The following FAM227B variants were observed in gnomAD, a reference collection of about 807,000 sequenced individuals.
FAM227B encodes the protein protein FAM227B.
A neutral mutation model predicts 73.8 loss-of-function variants in FAM227B; 88 were observed. The observed-to-expected ratio is 1.19, with a 90% CI of 1.00 to 1.42. FAM227B has a LOEUF of 1.42. Ranked by LOEUF, FAM227B falls within the 40% of genes most tolerant of loss-of-function variation. The pLI, the probability that FAM227B is intolerant of heterozygous loss-of-function variation, is 0.00. For synonymous variants in FAM227B, 210 were observed against 190.5 expected, an observed-to-expected ratio of 1.10 and a Z score of -0.84; for missense variants, 632 against 590.9, an observed-to-expected ratio of 1.07 and a Z score of -0.72.
At chr15:49,379,322 G>A (rs370854098) in intron 11 of FAM227B, among the ~76,000 whole-genome samples, 4 of 152,082 alleles carry the variant, frequency 2.6e-5, no homozygotes, top group African/African-American at 9.7e-5. Flanking sequence ...GCCTTGTAGA[G>A]TAAATTTGGA....
intron 11 of FAM227B, among the ~76,000 whole-genome samples, chr15:49,396,867 C>A (rs993633888): frequency 1.3e-5 from 2 of 151,990 alleles, no homozygotes; most frequent in Non-Finnish European, 2.9e-5. Context: ...TATCAAAGAC[C>A]AAAAGTAGAT....
At chr15:49,551,733 T>A (rs2073046877) in intron 9 of FAM227B, among the ~76,000 whole-genome samples, 1 of 152,240 alleles carries the variant, frequency 6.6e-6, no homozygotes, top group African/African-American at 2.4e-5. Context: ...TTTAGTTTCT[T>A]GCTTTGTATT....
At chr15:49,489,497 C>T (rs1458124821) in intron 11 of FAM227B, 24 of 332,114 alleles carry the variant, frequency 7.2e-5, no homozygotes, top group Admixed American at 6.5e-5. Flanking sequence ...AACAATATCC[C>T]TTTGCCTCCA....
At chr15:49,482,938 A>AC (rs200699666) in intron 11 of FAM227B, among the ~76,000 whole-genome samples, 4,467 of 152,148 alleles carry the variant, frequency 0.029, 223 homozygotes, top group African/African-American at 0.1. Flanking sequence ...TTTCTACAAA[A>AC]TAAAAAACCA....
chr15:49,559,644 C>A (rs75591179), intron 9 of FAM227B, among the ~76,000 whole-genome samples: 3,002 of 152,154 alleles, frequency 0.02, 123 homozygotes, highest in African/African-American at 0.069. Flanking sequence ...CATAAGAATT[C>A]TGACACTATA....
At chr15:49,459,087 A>G (rs186996526) in intron 11 of FAM227B, among the ~76,000 whole-genome samples, 4 of 152,314 alleles carry the variant, frequency 2.6e-5, no homozygotes, top group Non-Finnish European at 4.4e-5. Flanking sequence ...ATATAAATAC[A>G]AACATTACTG....
intron 5 of FAM227B, among the ~76,000 whole-genome samples, chr15:49,582,237 C>T (rs2075858755): frequency 6.6e-6 from 1 of 152,142 alleles, no homozygotes; most frequent in African/African-American, 2.4e-5. Context: ...TCAAGAGACC[C>T]ATCTTGTGTG....
At chr15:49,520,761 C>T (rs547004257) in intron 10 of FAM227B, among the ~76,000 whole-genome samples, 63 of 152,128 alleles carry the variant, frequency 4.1e-4, no homozygotes, top group Non-Finnish European at 7.9e-4. Flanking sequence ...CAAGTCCCTT[C>T]CATGACACAT....
intron 2 of FAM227B, among the ~76,000 whole-genome samples, chr15:49,611,484 C>T (rs907147316): frequency 5.3e-5 from 8 of 152,222 alleles, no homozygotes; most frequent in East Asian, 1.9e-4. Context: ...TTGTAATAGG[C>T]TTCCCTCTTA....
chr15:49,546,110 C>A (rs1468606797), intron 9 of FAM227B, among the ~76,000 whole-genome samples: 1 of 152,016 alleles, frequency 6.6e-6, no homozygotes, highest in Non-Finnish European at 1.5e-5. Flanking sequence ...CGTCCCCCCT[C>A]CCCTCACCCC....
intron 11 of FAM227B, among the ~76,000 whole-genome samples, chr15:49,386,515 A>G (rs1174491619): frequency 6.6e-6 from 1 of 151,884 alleles, no homozygotes; most frequent in Non-Finnish European, 1.5e-5. Context: ...TGCTTAGAGG[A>G]AAGTTTATAG....
At chr15:49,556,671 C>G (rs1457552006) in intron 9 of FAM227B, among the ~76,000 whole-genome samples, 1 of 132,468 alleles carries the variant, frequency 7.5e-6, no homozygotes, top group Non-Finnish European at 1.6e-5. Flanking sequence ...GGCTGACAGA[C>G]AGGGGGCACT....
intron 13 of FAM227B, among the ~76,000 whole-genome samples, chr15:49,360,968 T>C (rs1412621790): frequency 4.6e-5 from 7 of 152,142 alleles, no homozygotes; most frequent in Admixed American, 4.6e-4. Context: ...AATGTCATCC[T>C]CCCTCTTGTG....
At chr15:49,406,874 C>T (rs900983689) in intron 11 of FAM227B, among the ~76,000 whole-genome samples, 27 of 152,056 alleles carry the variant, frequency 1.8e-4, no homozygotes, top group African/African-American at 5.6e-4. Context: ...GCCCCACTGG[C>T]GCTCTCCACC....
intron 3 of FAM227B, among the ~76,000 whole-genome samples, chr15:49,592,035 C>T (rs893185149): frequency 2.6e-5 from 4 of 152,010 alleles, no homozygotes; most frequent in Non-Finnish European, 5.9e-5. Flanking sequence ...TCATTTAAGC[C>T]CTTCTCTCCA....
intron 11 of FAM227B, chr15:49,484,639 C>G (rs548570707): frequency 1.9e-6 from 1 of 516,194 alleles, no homozygotes; most frequent in East Asian, 3.3e-5. Flanking sequence ...AAAAACTGAT[C>G]AAGCTGGACT....
intron 13 of FAM227B, among the ~76,000 whole-genome samples, chr15:49,352,959 G>C (rs1403912206): frequency 6.6e-6 from 1 of 152,096 alleles, no homozygotes; most frequent in Non-Finnish European, 1.5e-5. Flanking sequence ...AGCTTTGCTT[G>C]GTCAACAGGT....
intron 2 of FAM227B, among the ~76,000 whole-genome samples, chr15:49,612,453 G>A (rs1472966287): frequency 6.6e-6 from 1 of 152,036 alleles, no homozygotes; most frequent in African/African-American, 2.4e-5. Flanking sequence ...AGTATTCCAT[G>A]GTGTATATGT....
intron 12 of FAM227B, 45 bp downstream of exon 12, chr15:49,371,257 A>T (rs1488619528): frequency 8.3e-7 from 1 of 1,211,468 alleles, no homozygotes; most frequent in Admixed American, 1.8e-5. Context: ...ATATATTGCA[A>T]ATTAAACAAG....
Sources: allele counts gnomAD v4.1 joint callset (sites outside exome capture counted in the v4.1 genomes callset), GRCh38; gene constraint gnomAD v4.1.1; transcripts MANE v1.5; gene names NCBI Gene and HGNC (gene_info 2026-07-23, HGNC 2026-07-21).